D2HGDH: variants seen among roughly 807,000 people sequenced by gnomAD.
D2HGDH encodes the protein D-2-hydroxyglutarate dehydrogenase.
In D2HGDH, 31 loss-of-function variants were observed where a neutral mutation model predicts 46.9. The ratio of observed to expected loss-of-function variants is 0.66; its 90% confidence interval spans 0.50 to 0.89. D2HGDH has a LOEUF of 0.89. D2HGDH is among the 40% of genes least tolerant of loss of function. The pLI, the probability that D2HGDH is intolerant of heterozygous loss-of-function variation, is 0.00. For missense variants in D2HGDH, 698 were observed against 720.8 expected (o/e 0.97, Z 0.36); for synonymous variants, 364 against 332.6 (o/e 1.09, Z -1.03).
Position 241,743,206 on chromosome 2 carries a change from G to C in D2HGDH, c.491-416G>C. ...CCGGGCTCCAGGCCCCGGTCACTCT[G>C]TGGTCGGGCGCCTGCACTGTTGGGT... On this transcript the variant is annotated intron_variant, in intron 4 of 9. Coordinates refer to ENST00000321264, the MANE Select transcript of D2HGDH (RefSeq NM_152783.5). The surrounding 1 kb of genome is among the most constrained non-coding windows in gnomAD (Gnocchi z 4.8). Among the ~76,000 whole-genome samples, 1 of 152,202 alleles carries C rather than the reference G, an allele frequency of 6.6e-6. No individual in the cohort carries two copies. Among genetic ancestry groups the C allele is most frequent in the South Asian group, 2.1e-4 (1 of 4,836 alleles).
At chr2:241,747,858 G>A (rs989572050) in intron 6 of D2HGDH, among the ~76,000 whole-genome samples, 3 of 151,260 alleles carry the variant, frequency 2.0e-5, no homozygotes, top group South Asian at 2.1e-4. Flanking sequence ...CACCTGCGTC[G>A]GGCTCCATTC....
At chr2:241,737,290 C>G (rs1050928126) in intron 2 of D2HGDH, among the ~76,000 whole-genome samples, 1 of 152,182 alleles carries the variant, frequency 6.6e-6, no homozygotes, top group African/African-American at 2.4e-5. Context: ...AAATAAGGTC[C>G]CATTCACAGG....
chr2:241,749,829 G>A, intron 6 of D2HGDH: 1 of 401,864 alleles, frequency 2.5e-6, no homozygotes, highest in Admixed American at 3.6e-5. Flanking sequence ...GGCATCTGAT[G>A]CTGGTGGTGA....
At chr2:241,750,732 A>G (rs1207076183) in intron 7 of D2HGDH, among the ~76,000 whole-genome samples, 6 of 151,966 alleles carry the variant, frequency 3.9e-5, no homozygotes. Context: ...CTGGAGTGCA[A>G]TGTCACGATC....
Position 241,744,852 on chromosome 2 carries a change from C to T in D2HGDH, c.828C>T (p.Pro276=). Residue 276 remains proline (P), a synonymous_variant, in exon 6 of 10, where the codon CCC becomes CCT. Transcript: ENST00000321264. ...TGTCCATCTTGTGTCCACCCAAGCC[C>T]AGGGCTGTGAACGTGGCTTTCCTCG... is the stretch of plus-strand genomic sequence containing the variant. The part of the protein sequence containing the change: ...TTVSILCPPK[P]RAVNVAFLGC... 6.2e-7 allele frequency: 1 copy of T among 1,614,166 alleles called. No individual in the cohort carries two copies. The highest frequency in any genetic ancestry group is 8.5e-7 in the Non-Finnish European group (1 of 1,180,022).
intron 9 of D2HGDH, among the ~76,000 whole-genome samples, chr2:241,762,720 G>A (rs1408511312): frequency 4.6e-5 from 7 of 152,172 alleles, no homozygotes; most frequent in South Asian, 2.1e-4. Flanking sequence ...GTGATCGGCC[G>A]TCAGATCTGT....
chr2:241,748,901 C>T lies in D2HGDH; in HGVS notation c.854-1250C>T, dbSNP rs574705226. The T allele has an allele frequency of 2.4e-4, 306 of 1,298,596 alleles. 2 individuals carry two copies. In the African/African-American group the frequency reaches 3.2e-3, roughly 13 times the overall value. 80.4% of individuals were successfully genotyped at this position (1,298,596 alleles called of 1,614,324 possible). A position where few individuals can be genotyped will look rare whatever the true frequency, so the allele number is the denominator to read the frequency against. Reference sequence around the variant, plus strand: ...CCGCCCGCCTGTGGTCCTGGGAGCCCGAGGCCAGCCCGGCTGCCGCATCCT... The same window carrying T: ...CCGCCCGCCTGTGGTCCTGGGAGCCTGAGGCCAGCCCGGCTGCCGCATCCT... On this transcript the variant is annotated intron_variant, in intron 6 of 9. Transcript: ENST00000321264.
intron 9 of D2HGDH, among the ~76,000 whole-genome samples, chr2:241,758,069 CTGAT>C (rs1364524332): frequency 2.6e-5 from 4 of 152,060 alleles, no homozygotes; most frequent in Non-Finnish European, 5.9e-5. Flanking sequence ...GTAAGTTACA[CTGAT>C]TGATCCCTCT....
Position 241,768,378 on chromosome 2 carries a change from G to A in D2HGDH, c.*409G>A, listed in dbSNP as rs1029717140. ...TCCCCGGGCATGCGTGGGCAGCGGG[G>A]GGCATGCGTGGGCAGCAGGGGGCGT... On this transcript the variant is annotated 3_prime_UTR_variant, in exon 10 of 10. Coordinates refer to ENST00000321264, the MANE Select transcript of D2HGDH (RefSeq NM_152783.5). 1.4e-5 allele frequency: 3 copies of A among 207,580 alleles called. No homozygotes were observed. The highest frequency in any genetic ancestry group is 8.7e-5 in the South Asian group (1 of 11,478). The allele number at this position is 207,580 out of a possible 1,614,324, so 12.9% of individuals were successfully genotyped here.
At chr2:241,750,393 CCGGG>C in intron 7 of D2HGDH, 99 bp downstream of exon 7, 2 of 489,034 alleles carry the variant, frequency 4.1e-6, no homozygotes, top group Non-Finnish European at 6.8e-6. Context: ...CGGGGGGTGC[CCGGG>C]CGGGCGGGTG....
rs112581026 is a variant in D2HGDH at position 241,743,060 on chromosome 2, C to T, written c.490+486C>T. Among the ~76,000 whole-genome samples the T allele has an allele frequency of 1.7e-5, 2 of 115,060 alleles. No homozygotes were observed. The highest frequency in any genetic ancestry group is 3.7e-5 in the African/African-American group (1 of 26,746). 75.5% of individuals were successfully genotyped at this position (115,060 alleles called of 152,430 possible). On this transcript the variant is annotated intron_variant, in intron 4 of 9. Transcript: ENST00000321264. The surrounding 1 kb of genome is among the most constrained non-coding windows in gnomAD (Gnocchi z 4.8). ...GGCGTGAGGGGATCCTGACCCAGGGCGCCAGGGCGTGGCAGGCGTGAGGGG... is the reference window on the plus strand; with the variant it reads ...GGCGTGAGGGGATCCTGACCCAGGGTGCCAGGGCGTGGCAGGCGTGAGGGG...
chr2:241,749,230 T>A, intron 6 of D2HGDH: 1 of 1,126,854 alleles, frequency 8.9e-7, no homozygotes, highest in Non-Finnish European at 1.2e-6. Flanking sequence ...CCTCTACGCG[T>A]CTGCAGCCAC....
chr2:241,743,704 C>T lies in D2HGDH; in HGVS notation c.573C>T (p.Asp191=). 6.2e-7 allele frequency: 1 copy of T among 1,613,940 alleles called. No homozygotes were observed. The highest frequency in any genetic ancestry group is 8.5e-7 in the Non-Finnish European group (1 of 1,179,970). ...AACGGGACTTCATCATGCCGCTGGACTTAGGAGCCAAGGGCAGCTGCCACA... is the reference window on the plus strand; with the variant it reads ...AACGGGACTTCATCATGCCGCTGGATTTAGGAGCCAAGGGCAGCTGCCACA... ...VEERDFIMPL[D]LGAKGSCHIG... is the part of the protein sequence containing the mutation. The change falls in exon 5 of 10, where the codon GAC becomes GAT. Residue 191 remains aspartate, a synonymous_variant. Transcript: ENST00000321264. The surrounding 1 kb of genome is among the most constrained non-coding windows in gnomAD (Gnocchi z 4.8).
intron 6 of D2HGDH, among the ~76,000 whole-genome samples, chr2:241,746,578 A>T (rs1695913269): frequency 6.6e-6 from 1 of 151,882 alleles, no homozygotes; most frequent in Non-Finnish European, 1.5e-5. Context: ...ACATGATGAA[A>T]CCCTGTCTCT....
At chr2:241,762,104 C>T (rs1698883451) in intron 9 of D2HGDH, among the ~76,000 whole-genome samples, 1 of 142,382 alleles carries the variant, frequency 7.0e-6, no homozygotes, top group Non-Finnish European at 1.5e-5. Flanking sequence ...TGGAGTCCCG[C>T]TCTGTCACCC....
intron 8 of D2HGDH, chr2:241,755,103 C>T (rs1379387765): frequency 5.4e-6 from 7 of 1,303,984 alleles, no homozygotes; most frequent in Non-Finnish European, 6.1e-6. Context: ...GCCGATCTGT[C>T]TGAGCCCTAG....
rs186024603 is a variant in D2HGDH at position 241,752,062 on chromosome 2, G to A, written c.1140+674G>A. 1.4e-3 allele frequency among the ~76,000 whole-genome samples: 208 copies of A among 148,880 alleles called. 2 individuals carry two copies. The highest frequency in any genetic ancestry group is 1.6e-3 in the Non-Finnish European group (107 of 66,982). ...GGAGGAGCCCTCAGTTACCTTCACC[G>A]GGGCCTGGGCAGTGGGAGGCGCCCT... On this transcript the variant is annotated intron_variant, in intron 8 of 9. Coordinates refer to ENST00000321264, the MANE Select transcript of D2HGDH (RefSeq NM_152783.5).
chr2:241,748,873 G>A (rs1172215046), intron 6 of D2HGDH: 1 of 1,295,262 alleles, frequency 7.7e-7, no homozygotes, highest in African/African-American at 1.5e-5. Flanking sequence ...AGTCACCTGT[G>A]TGCCGCCCGC....
chr2:241,735,114 T>C lies in D2HGDH; in HGVS notation c.-92-19T>C. Reference sequence around the variant, plus strand: ...GTACAACGTGCATAAAACATGAAATTACCCTTGGCCACTTCCAGGCGCGCA... The same window carrying C: ...GTACAACGTGCATAAAACATGAAATCACCCTTGGCCACTTCCAGGCGCGCA... On this transcript the variant is annotated intron_variant, in intron 1 of 9. Transcript: ENST00000321264. 8.5e-7 allele frequency: 1 copy of C among 1,172,504 alleles called. No homozygotes were observed. The highest frequency in any genetic ancestry group is 1.7e-5 in the South Asian group (1 of 58,384). The allele number at this position is 1,172,504 out of a possible 1,614,324, so 72.6% of individuals were successfully genotyped here.
Sources: gnomAD v4.1 joint callset for allele counts (sites outside exome capture counted in the v4.1 genomes callset) on GRCh38, gnomAD v4.1.1 for gene constraint, Gnocchi (gnomAD v3.1) non-coding constraint, MANE v1.5 for transcripts, NCBI Gene and HGNC (gene_info 2026-07-23, HGNC 2026-07-21) for gene names.